The following HIVEP1 variants were observed in gnomAD, a reference collection of about 807,000 sequenced individuals.
The protein encoded by HIVEP1 is HIVEP zinc finger 1, also known as zinc finger protein 40.
Under a neutral mutation model 180.0 loss-of-function variants are expected in HIVEP1, and 36 were observed. The ratio of observed to expected loss-of-function variants is 0.20; its 90% CI spans 0.15 to 0.26. The LOEUF (loss-of-function observed/expected upper bound fraction) is 0.26, where lower values mean the gene tolerates loss of function less well. Among genes scored for constraint, HIVEP1 ranks in the 10% least tolerant of loss-of-function variants. HIVEP1 has a pLI of 1.00. For synonymous variants in HIVEP1, 1,239 were observed against 1,239.0 expected (o/e 1.00, Z 0.00); for missense variants, 3,143 against 3,268.7 (o/e 0.96, Z 0.94).
chr6:12,075,939 A>G (rs1772321444), intron 2 of HIVEP1, among the ~76,000 whole-genome samples: 1 of 152,188 alleles, frequency 6.6e-6, no homozygotes, highest in African/African-American at 2.4e-5. Context: ...TGTCCCCAGT[A>G]GTGTAATTTT....
At chr6:12,092,641 T>C (rs552851643) in intron 3 of HIVEP1, among the ~76,000 whole-genome samples, 37 of 152,324 alleles carry the variant, frequency 2.4e-4, no homozygotes, top group African/African-American at 8.7e-4. Flanking sequence ...CCACTATCAG[T>C]GTCCAAGAAT....
At chr6:12,206,480 GAGAA>G in the HIVEP1 span, among the ~76,000 whole-genome samples, 1 of 152,078 alleles carries the variant, frequency 6.6e-6, no homozygotes, top group African/African-American at 2.4e-5. Flanking sequence ...GAGAGAGACA[GAGAA>G]AGAGAGAGAG....
intron 2 of HIVEP1, among the ~76,000 whole-genome samples, chr6:12,023,691 T>G (rs2113612428): frequency 6.6e-6 from 1 of 152,304 alleles, no homozygotes; most frequent in Non-Finnish European, 1.5e-5. Flanking sequence ...CGGCTCATGT[T>G]GAGAGCTTAT....
chr6:12,072,886 A>T (rs1214720074), intron 2 of HIVEP1, among the ~76,000 whole-genome samples: 1 of 151,594 alleles, frequency 6.6e-6, no homozygotes, highest in Non-Finnish European at 1.5e-5. Context: ...ATTATTTCCT[A>T]TATATTATAG....
rs1465037041 is a variant in HIVEP1 at position 12,163,355 on chromosome 6, G to C, written c.7051G>C (p.Val2351Leu). ...CCAGACAGCAGCGGGGATGCCTTCTGTGGCCTCACCACATCCTGACCCTCA... is the reference window on the plus strand; with the variant it reads ...CCAGACAGCAGCGGGGATGCCTTCTCTGGCCTCACCACATCCTGACCCTCA... ...SPQTAAGMPS[V>L]ASPHPDPQEQ... The change falls in exon 9 of 9, where the codon GTG becomes CTG. Residue 2351 changes from valine (V) to leucine (L), a missense_variant. Around this residue, in one of 12 missense-constraint regions of HIVEP1, gnomAD observed 595 missense variants for 602.2 expected, o/e 0.99. Transcript: ENST00000379388. The C allele has an allele frequency of 3.1e-6, 5 of 1,614,160 alleles. No homozygotes were observed. The highest frequency in any genetic ancestry group is 4.2e-6 in the Non-Finnish European group (5 of 1,180,030).
chr6:12,133,035 C>T (rs537741379), intron 6 of HIVEP1, among the ~76,000 whole-genome samples: 2 of 152,066 alleles, frequency 1.3e-5, no homozygotes, highest in South Asian at 2.1e-4. Flanking sequence ...TTGAAAGTGT[C>T]GGGTTACTAA....
At chr6:12,051,996 C>T (rs1375932637) in intron 2 of HIVEP1, among the ~76,000 whole-genome samples, 2 of 152,096 alleles carry the variant, frequency 1.3e-5, no homozygotes, top group Admixed American at 1.3e-4. Context: ...GGGGACTTTC[C>T]AACTGAGGAT....
intron 3 of HIVEP1, among the ~76,000 whole-genome samples, chr6:12,090,062 C>T (rs1167205949): frequency 6.6e-6 from 1 of 151,914 alleles, no homozygotes; most frequent in Non-Finnish European, 1.5e-5. Flanking sequence ...AATTGGTTTT[C>T]ACCATAGAAA....
chr6:12,100,138 C>T (rs192096936), intron 3 of HIVEP1, among the ~76,000 whole-genome samples: 9 of 152,306 alleles, frequency 5.9e-5, no homozygotes, highest in African/African-American at 1.7e-4. Flanking sequence ...ACAACTCAAA[C>T]GTCCTGGTGG....
chr6:12,185,215 G>T, the HIVEP1 span, among the ~76,000 whole-genome samples: 9 of 152,220 alleles, frequency 5.9e-5, no homozygotes, highest in Admixed American at 4.6e-4. Flanking sequence ...TCTGCCTGGG[G>T]CACTTTCCAC....
intron 2 of HIVEP1, among the ~76,000 whole-genome samples, chr6:12,023,141 G>A (rs926379238): frequency 2.0e-5 from 3 of 152,088 alleles, no homozygotes; most frequent in Non-Finnish European, 2.9e-5. Flanking sequence ...CCCCTCCTCC[G>A]CTTCTGTGTG....
rs570565069 is a variant in HIVEP1, at chr6:12,058,424, G to A, written c.41-30760G>A. Among the ~76,000 whole-genome samples the A allele has an allele frequency of 2.4e-4, 36 of 152,258 alleles. No homozygotes were observed. In the South Asian group the frequency reaches 7.1e-3, roughly 30 times the overall value. On this transcript the variant is annotated intron_variant, in intron 2 of 8. Transcript: ENST00000379388. ...TCCCAAGTTGGCTGGCTCTTTTGAA[G>A]TTGACTCTTAAAATCCTAGAGTCAT... is the stretch of plus-strand genomic sequence containing the variant.
At position 12,130,922 on chromosome 6, in the gene HIVEP1, A is replaced by G; in HGVS notation, c.6365A>G (p.Asn2122Ser). The change falls in exon 6 of 9, where the codon AAC becomes AGC. Residue 2122 changes from asparagine (N) to serine (S), a missense_variant. Transcript: ENST00000379388. ...CGCCCCTACCACTGCACTTACTGTA[A>G]CTTCTCCTTTAAGACTAAAGGTATG... Reference protein sequence around the residue: ...DVRPYHCTYCNFSFKTKGNLT... With the variant: ...DVRPYHCTYCSFSFKTKGNLT... 1.9e-6 allele frequency: 3 copies of G among 1,609,702 alleles called. No individual in the cohort carries two copies. Among genetic ancestry groups the G allele is most frequent in the Middle Eastern group, 3.3e-4 (2 of 6,040 alleles).
At chr6:12,140,544 T>G (rs781322809) in intron 7 of HIVEP1, among the ~76,000 whole-genome samples, 31 of 152,176 alleles carry the variant, frequency 2.0e-4, no homozygotes, top group Non-Finnish European at 4.1e-4. Context: ...GAAGTAGGCT[T>G]CAGAAGGTCA....
At chr6:12,129,621 T>G (rs1758299480) in intron 4 of HIVEP1, 138 bp from the exon 5 acceptor site, 1 of 735,482 alleles carries the variant, frequency 1.4e-6, no homozygotes, top group African/African-American at 1.7e-5. Flanking sequence ...GTAAATGCCC[T>G]TTGAACCTAT....
intron 2 of HIVEP1, among the ~76,000 whole-genome samples, chr6:12,076,274 A>G (rs892326809): frequency 3.9e-5 from 6 of 152,190 alleles, no homozygotes; most frequent in Non-Finnish European, 5.9e-5. Context: ...TTTGACTTGT[A>G]TGGGTTACTA....
At chr6:12,109,398 T>G (rs1378076524) in intron 3 of HIVEP1, among the ~76,000 whole-genome samples, 8 of 152,252 alleles carry the variant, frequency 5.3e-5, no homozygotes, top group Admixed American at 5.2e-4. Flanking sequence ...AGAGTAAAAC[T>G]TCTTTCAAAA....
upstream of HIVEP1, among the ~76,000 whole-genome samples, chr6:12,011,837 C>G (rs113576155): frequency 0.17 from 24,185 of 146,478 alleles, 2,573 homozygotes; most frequent in Non-Finnish European, 0.24. Flanking sequence ...GCCCCTCGCC[C>G]CGGCCTCAAC....
chr6:12,151,931 G>A (rs998151087), intron 7 of HIVEP1, among the ~76,000 whole-genome samples: 1 of 152,108 alleles, frequency 6.6e-6, no homozygotes, highest in African/African-American at 2.4e-5. Context: ...CGAGGCGGGT[G>A]GATCACCTGA....
Sources: gnomAD v4.1 joint callset for allele counts (sites outside exome capture counted in the v4.1 genomes callset) on GRCh38, gnomAD v4.1.1 for gene constraint, gnomAD v4.1.1 regional missense constraint, MANE v1.5 for transcripts, NCBI Gene and HGNC (gene_info 2026-07-23, HGNC 2026-07-21) for gene names.